The following PSD3 variants were observed in gnomAD, a reference collection of about 807,000 sequenced individuals.
PSD3 encodes PH and SEC7 domain-containing protein 3.
A neutral mutation model predicts 105.5 loss-of-function variants in PSD3; 49 were observed. The observed-to-expected ratio is 0.46, with a 90% CI of 0.37 to 0.59. PSD3 has a LOEUF of 0.59. PSD3 is among the 20% of genes least tolerant of loss of function. The pLI, the probability that PSD3 is intolerant of heterozygous loss-of-function variation, is 0.00. For synonymous variants in PSD3, 557 were observed against 457.8 expected, an observed-to-expected ratio of 1.22 and a Z score of -2.77; for missense variants, 1,561 against 1,263.8, an observed-to-expected ratio of 1.24 and a Z score of -3.57.
chr8:18,974,924 T>C (rs1019366235), intron 1 of PSD3, among the ~76,000 whole-genome samples: 2 of 152,036 alleles, frequency 1.3e-5, no homozygotes, highest in Non-Finnish European at 2.9e-5. Context: ...AAATACAAAA[T>C]CTTTTTCCTT....
chr8:18,785,621 A>G lies in PSD3; in HGVS notation c.2082+13674T>C, dbSNP rs374378372. 1.7e-4 allele frequency among the ~76,000 whole-genome samples: 26 copies of G among 152,252 alleles called. 1 individual carries two copies. Among genetic ancestry groups the G allele is most frequent in the African/African-American group, 6.3e-4 (26 of 41,534 alleles). On this transcript the variant is annotated intron_variant, in intron 8 of 15. Coordinates refer to ENST00000327040, the MANE Select transcript of PSD3 (RefSeq NM_015310.4). ...ATGGCACTTTTAATTTCCTTCAAGA[A>G]CTTTTCCTTTACATTACAACTTTAT...
intron 9 of PSD3, among the ~76,000 whole-genome samples, chr8:18,747,457 G>C (rs530315751): frequency 6.6e-6 from 1 of 152,210 alleles, no homozygotes; most frequent in Admixed American, 6.5e-5. Flanking sequence ...CTCAAAGTCA[G>C]ATGCATTGTG....
intron 1 of PSD3, chr8:18,989,235 T>C (rs533707884): frequency 8.5e-5 from 13 of 152,324 alleles, no homozygotes; most frequent in African/African-American, 3.1e-4. Context: ...CCATTTTTTG[T>C]TCTAGGACAA....
rs1799807510 is a variant in PSD3 at position 18,535,651 on chromosome 8, T to TC, written c.*91_*92insG. ...CTAATGCACCGTTTTGTCACAGACT[T>TC]TTTTTTTTTAAATATATTCACGGAT... On this transcript the variant is annotated 3_prime_UTR_variant, in exon 16 of 16. Transcript: ENST00000327040. 4.4e-6 allele frequency: 5 copies of TC among 1,141,308 alleles called. No homozygotes were observed. The Admixed American group carries it at 1.1e-4, about 25-fold the overall frequency. The allele number at this position is 1,141,308 out of a possible 1,614,324, so 70.7% of individuals were successfully genotyped here. A position where few individuals can be genotyped will look rare whatever the true frequency, so the allele number is the denominator to read the frequency against.
Position 18,804,541 on chromosome 8 carries a change from T to A in PSD3, c.1891A>T (p.Thr631Ser), listed in dbSNP as rs759074629. Residue 631 changes from threonine to serine, a missense_variant, in exon 6 of 16, where the codon ACG (threonine) becomes TCG (serine). Thr to Ser is a moderately conservative substitution (Grantham distance 58, BLOSUM62 1). Transcript: ENST00000327040. ...YLKFFDFTGMTLDQSLRYFFK... is the reference protein window; with the variant it reads ...YLKFFDFTGMSLDQSLRYFFK... ...TCATACCTGAGTGACTGATCCAGCG[T>A]CATTCCTGTAAAATCAAAAAACTTC... The A allele has an allele frequency of 5.0e-6, 8 of 1,612,658 alleles. No individual in the cohort carries two copies. Among genetic ancestry groups the A allele is most frequent in the Non-Finnish European group, 6.8e-6 (8 of 1,178,678 alleles).
intron 11 of PSD3, among the ~76,000 whole-genome samples, chr8:18,619,068 A>G (rs760897835): frequency 1.3e-5 from 2 of 152,096 alleles, no homozygotes; most frequent in Non-Finnish European, 2.9e-5. Context: ...TAAAAAATAA[A>G]TCAATGATCT....
chr8:18,669,604 C>T (rs946883025), intron 9 of PSD3, among the ~76,000 whole-genome samples: 1 of 152,154 alleles, frequency 6.6e-6, no homozygotes, highest in African/African-American at 2.4e-5. Flanking sequence ...AGGAAGGATT[C>T]GCGTCCACAT....
intron 8 of PSD3, among the ~76,000 whole-genome samples, chr8:18,785,981 C>G (rs1038518630): frequency 1.3e-5 from 2 of 152,190 alleles, no homozygotes; most frequent in Non-Finnish European, 2.9e-5. Flanking sequence ...TCAACCTTCA[C>G]TTTGTTAGGA....
chr8:18,799,866 A>T (rs1032809193), intron 7 of PSD3, among the ~76,000 whole-genome samples: 2 of 152,210 alleles, frequency 1.3e-5, no homozygotes, highest in African/African-American at 2.4e-5. Context: ...TCTCTACACA[A>T]GTACAGTAGA....
Position 18,563,313 on chromosome 8 carries a change from A to G in PSD3, c.2785-6961T>C, listed in dbSNP as rs992365369. Among the ~76,000 whole-genome samples, 3 of 152,128 alleles carry G rather than the reference A, an allele frequency of 2.0e-5. No individual in the cohort carries two copies. In the South Asian group the frequency reaches 6.2e-4, roughly 32 times the overall value. On this transcript the variant is annotated intron_variant, in intron 14 of 15. Transcript: ENST00000327040. ...CCTAACATAGTACCTGCTATACAGG[A>G]TCTTCGGTAAACAGTAGCTGAACAA... is the stretch of plus-strand genomic sequence containing the variant.
intron 4 of PSD3, among the ~76,000 whole-genome samples, chr8:18,843,448 T>C (rs1300792793): frequency 6.6e-6 from 1 of 152,214 alleles, no homozygotes; most frequent in African/African-American, 2.4e-5. Context: ...TTCTCCATTT[T>C]CTTCCCTTTC....
chr8:18,617,423 C>T (rs146639480), intron 11 of PSD3, among the ~76,000 whole-genome samples: 2,696 of 151,952 alleles, frequency 0.018, 83 homozygotes, highest in African/African-American at 0.062. Context: ...CCCAGCTACT[C>T]GGGAGGCTGA....
chr8:18,841,755 A>G (rs1430997329), intron 4 of PSD3, among the ~76,000 whole-genome samples: 1 of 152,208 alleles, frequency 6.6e-6, no homozygotes, highest in Non-Finnish European at 1.5e-5. Flanking sequence ...GAAGTCTCTG[A>G]AAGACAGGCA....
chr8:18,762,456 T>A (rs1225089062), intron 9 of PSD3, among the ~76,000 whole-genome samples: 1 of 152,210 alleles, frequency 6.6e-6, no homozygotes, highest in Non-Finnish European at 1.5e-5. Context: ...AGGTATTTGT[T>A]TGCAGCAGTG....
chr8:18,638,784 C>G (rs1807446662), intron 10 of PSD3, among the ~76,000 whole-genome samples: 1 of 152,100 alleles, frequency 6.6e-6, no homozygotes, highest in South Asian at 2.1e-4. Flanking sequence ...ACAGCCAAAG[C>G]AATCTTCAGC....
chr8:18,927,731 G>A (rs948012632), intron 2 of PSD3, among the ~76,000 whole-genome samples: 1 of 152,152 alleles, frequency 6.6e-6, no homozygotes, highest in Non-Finnish European at 1.5e-5. Context: ...CTGGTGCCCA[G>A]CCCCGTCCTG....
At chr8:18,882,042 A>G (rs1373350767) in intron 2 of PSD3, among the ~76,000 whole-genome samples, 3 of 152,072 alleles carry the variant, frequency 2.0e-5, no homozygotes, top group East Asian at 1.9e-4. Flanking sequence ...CCCCTCCTCT[A>G]CAAAAAATTT....
intron 9 of PSD3, among the ~76,000 whole-genome samples, chr8:18,658,158 G>A (rs1041281398): frequency 8.5e-5 from 13 of 152,116 alleles, no homozygotes; most frequent in African/African-American, 2.9e-4. Context: ...AATTTTTTTT[G>A]TAGCATGCCG....
At chr8:18,847,931 A>G (rs1815233463) in intron 4 of PSD3, among the ~76,000 whole-genome samples, 1 of 152,210 alleles carries the variant, frequency 6.6e-6, no homozygotes, top group Non-Finnish European at 1.5e-5. Context: ...TCGGGGAGAC[A>G]TGAGCCTGGT....
Sources: allele counts gnomAD v4.1 joint callset (sites outside exome capture counted in the v4.1 genomes callset), GRCh38; gene constraint gnomAD v4.1.1; transcripts MANE v1.5; gene names NCBI Gene and HGNC (gene_info 2026-07-23, HGNC 2026-07-21).